Variants in PLAC1 observed in about 807,000 individuals in gnomAD.
PLAC1 encodes placenta-specific protein 1.
For synonymous variants in PLAC1, 68 were observed against 62.1 expected, an observed-to-expected ratio of 1.09 and a Z score of -0.44; for missense variants, 136 against 163.2, an observed-to-expected ratio of 0.83 and a Z score of 0.91.
intron 1 of PLAC1, among the ~76,000 whole-genome samples, chrX:134,750,651 G>A (rs1251719401): frequency 9.7e-6 from 1 of 102,569 alleles, no homozygotes; most frequent in Non-Finnish European, 1.9e-5. Flanking sequence ...GCCACGTGTA[G>A]CTATTTAAAT....
intron 2 of PLAC1, among the ~76,000 whole-genome samples, chrX:134,699,175 T>G (rs1251693483): frequency 2.7e-5 from 3 of 112,037 alleles, no homozygotes; most frequent in Non-Finnish European, 5.6e-5. Flanking sequence ...CCAAAATTCG[T>G]GCAGGAACTT....
chrX:134,742,959 CAGAA>C (rs2078720607), intron 1 of PLAC1, among the ~76,000 whole-genome samples: 1 of 111,183 alleles, frequency 9.0e-6, no homozygotes, highest in Non-Finnish European at 1.9e-5. Flanking sequence ...AAAACAGAAA[CAGAA>C]AGACAAGAAA....
At position 134,573,382 on chromosome X, in the gene PLAC1, T is replaced by C. The variant is rs140815462; in HGVS notation, c.-58-6642A>G. 2.9e-3 allele frequency among the ~76,000 whole-genome samples: 327 copies of C among 111,873 alleles called. 5 individuals are homozygous for C. Among genetic ancestry groups the C allele is most frequent in the African/African-American group, 1.0e-2 (308 of 30,829 alleles). On this transcript the variant is annotated intron_variant, in intron 2 of 2. Coordinates refer to ENST00000359237, the MANE Select transcript of PLAC1 (RefSeq NM_021796.4). ...CTTTTCCACAAAGCCCCAGAGTCCC[T>C]TCTCATTTTAAAAGACAAGGTAGGT... is the stretch of plus-strand genomic sequence containing the variant.
intron 1 of PLAC1, among the ~76,000 whole-genome samples, chrX:134,612,153 T>C (rs2078157224): frequency 8.9e-6 from 1 of 112,177 alleles, no homozygotes; most frequent in South Asian, 3.7e-4. Flanking sequence ...GAGAAGAAAC[T>C]TAAGTAGTTC....
intron 2 of PLAC1, among the ~76,000 whole-genome samples, chrX:134,722,996 G>T (rs922934051): frequency 1.8e-5 from 2 of 108,465 alleles, no homozygotes; most frequent in Non-Finnish European, 3.8e-5. Context: ...AAAAAAAGAC[G>T]TGATTCTGAA....
In PLAC1 at chrX:134,742,111, G is replaced by A. The variant is rs189756412; in HGVS notation, n.90-8592C>T. ...TCTCATGTATGGCTGTCTAAAGCAG[G>A]CCACTGCTGTCTAAATCCAGGTATT... On this transcript the variant is annotated intron_variant and non_coding_transcript_variant, in intron 1 of 2. Transcript: ENST00000466797. 4.9e-3 allele frequency among the ~76,000 whole-genome samples: 548 copies of A among 112,465 alleles called. 4 individuals carry two copies. Among genetic ancestry groups the A allele is most frequent in the Non-Finnish European group, 7.9e-3 (422 of 53,250 alleles).
At chrX:134,607,561 G>A in intron 1 of PLAC1, 1 of 173,922 alleles carries the variant, frequency 5.7e-6, no homozygotes, top group African/African-American at 3.1e-5. Flanking sequence ...ACCCAGAGAA[G>A]CACACTGTGC....
At chrX:134,601,060 T>TCACACACACACACACACA (rs373837274) in intron 2 of PLAC1, 16 of 96,296 alleles carry the variant, frequency 1.7e-4, no homozygotes, top group Admixed American at 3.5e-4. Flanking sequence ...TTTTTTTTCT[T>TCACACACACACACACACA]CACACACACA....
chrX:134,588,371 C>T (rs759173229), intron 2 of PLAC1, among the ~76,000 whole-genome samples: 4 of 108,025 alleles, frequency 3.7e-5, no homozygotes, highest in Non-Finnish European at 5.7e-5. Flanking sequence ...GTTGCCCAGG[C>T]TGGAGTGCAG....
chrX:134,729,447 A>G (rs2078682493), intron 2 of PLAC1, among the ~76,000 whole-genome samples: 1 of 112,212 alleles, frequency 8.9e-6, no homozygotes, highest in African/African-American at 3.2e-5. Flanking sequence ...GAAAAGTGCC[A>G]CAGCTAGTAA....
intron 2 of PLAC1, among the ~76,000 whole-genome samples, chrX:134,696,693 C>A (rs910858454): frequency 9.0e-6 from 1 of 111,502 alleles, no homozygotes; most frequent in Admixed American, 9.5e-5. Context: ...GTCAGGCTTG[C>A]AAGCGGCCCT....
rs1556045718 is a variant in PLAC1, at chrX:134,586,839, T to TTGTGTGTGTGTATG, written c.-59+15211_-59+15212insCATACACACACACA. Among the ~76,000 whole-genome samples the TTGTGTGTGTGTATG allele has an allele frequency of 2.6e-3, 198 of 76,640 alleles. 2 individuals carry two copies. Among genetic ancestry groups the TTGTGTGTGTGTATG allele is most frequent in the African/African-American group, 8.9e-3 (193 of 21,592 alleles). The allele number at this position is 76,640 out of a possible 115,157, so 66.6% of individuals were successfully genotyped here. On this transcript the variant is annotated intron_variant, in intron 2 of 2. Transcript: ENST00000359237. ...GTGTGCACTACCACGCCCAGCTAAT[T>TTGTGTGTGTGTATG]TGTGTGTGTGTGTGTGTGTGTGTGT...
chrX:134,705,007 T>TAG (rs2078598612), intron 2 of PLAC1, among the ~76,000 whole-genome samples: 1 of 97,273 alleles, frequency 1.0e-5, no homozygotes, highest in African/African-American at 4.2e-5. Flanking sequence ...AAATTATATA[T>TAG]ATATATATAT....
intron 2 of PLAC1, chrX:134,600,896 C>T (rs967052396): frequency 9.0e-6 from 1 of 111,418 alleles, no homozygotes; most frequent in Non-Finnish European, 1.9e-5. Flanking sequence ...ACATGGTCAC[C>T]CAGGCTGGAG....
At chrX:134,577,513 G>A (rs1602791396) in intron 2 of PLAC1, among the ~76,000 whole-genome samples, 1 of 111,426 alleles carries the variant, frequency 9.0e-6, no homozygotes. Context: ...ACATGGTGAA[G>A]CCCCGTCTCC....
At chrX:134,601,562 A>G (rs1405333576) in intron 2 of PLAC1, 2 of 112,286 alleles carry the variant, frequency 1.8e-5, no homozygotes, top group Non-Finnish European at 3.8e-5. Context: ...TTCAAATGGC[A>G]TTTAGTGAGC....
At chrX:134,620,578 G>A (rs2078205748) in intron 1 of PLAC1, among the ~76,000 whole-genome samples, 1 of 111,852 alleles carries the variant, frequency 8.9e-6, no homozygotes, top group Non-Finnish European at 1.9e-5. Context: ...GTTAGAAGGA[G>A]CACTGCATGC....
chrX:134,660,494 T>C (rs139425718), upstream of PLAC1, among the ~76,000 whole-genome samples: 88 of 111,956 alleles, frequency 7.9e-4, no homozygotes, highest in Non-Finnish European at 1.1e-3. Context: ...AACCGAAATA[T>C]AGGCATTGCA....
At chrX:134,646,406 A>T (rs1218403132) in intron 1 of PLAC1, among the ~76,000 whole-genome samples, 1 of 112,648 alleles carries the variant, frequency 8.9e-6, no homozygotes, top group Non-Finnish European at 1.9e-5. Flanking sequence ...ATTCTACAAG[A>T]TAAGCTAACT....
Sources: allele counts gnomAD v4.1 joint callset (sites outside exome capture counted in the v4.1 genomes callset), GRCh38; gene constraint gnomAD v4.1.1; transcripts MANE v1.5; gene names NCBI Gene and HGNC (gene_info 2026-07-23, HGNC 2026-07-21).